OR8B2: variants seen among roughly 807,000 people sequenced by gnomAD.
The protein encoded by OR8B2 is olfactory receptor family 8 subfamily B member 2.
For synonymous variants in OR8B2, 98 were observed against 138.2 expected, an observed-to-expected ratio of 0.71 and a Z score of 2.04; for missense variants, 304 against 379.6, an observed-to-expected ratio of 0.80 and a Z score of 1.65.
chr11:124,397,239 G>A, the OR8B2 span: 1 of 1,594,612 alleles, frequency 6.3e-7, no homozygotes, highest in African/African-American at 1.4e-5. Flanking sequence ...GCCTACCATG[G>A]TGACAATGTA....
upstream of OR8B2, among the ~76,000 whole-genome samples, chr11:124,385,240 T>C (rs1860679752): frequency 1.3e-5 from 2 of 152,316 alleles, no homozygotes; most frequent in Admixed American, 6.5e-5. Flanking sequence ...TAAGACAGTA[T>C]GACTTCAGAA....
upstream of OR8B2, among the ~76,000 whole-genome samples, chr11:124,387,944 G>A (rs7117868): frequency 0.3 from 43,861 of 145,780 alleles, 5,409 homozygotes; most frequent in African/African-American, 0.37. Flanking sequence ...TTGAGCAGTG[G>A]TTTGTAGTTC....
In OR8B2 at chr11:124,382,574, A is replaced by G; in HGVS notation, c.770T>C (p.Phe257Ser). 1 of 1,613,244 alleles carries G rather than the reference A, an allele frequency of 6.2e-7. No homozygotes were observed. The highest frequency in any genetic ancestry group is 8.5e-7 in the Non-Finnish European group (1 of 1,179,612). The change falls in exon 2 of 2, where the codon TTC becomes TCC. Residue 257 changes from phenylalanine to serine, a missense_variant. Coordinates refer to ENST00000641451, the MANE Select transcript of OR8B2 (RefSeq NM_001005468.2). ...TCCAGAAGAATATTTAATATACATG[A>G]ATGCCGCTGACCCAAAAAACAGAGA... ...ALSLFFGSAA[F>S]MYIKYSSGSM...
chr11:124,396,275 T>G, the OR8B2 span: 2 of 856,296 alleles, frequency 2.3e-6, no homozygotes, highest in Admixed American at 3.3e-5. Context: ...ACAAGATGAT[T>G]TCATAAGAGA....
chr11:124,390,552 C>G, the OR8B2 span, among the ~76,000 whole-genome samples: 1 of 152,160 alleles, frequency 6.6e-6, no homozygotes, highest in East Asian at 1.9e-4. Context: ...GGCTTGAGAC[C>G]CGAAAGCTTG....
chr11:124,388,456 T>A (rs530197855), upstream of OR8B2, among the ~76,000 whole-genome samples: 159 of 152,284 alleles, frequency 1.0e-3, no homozygotes, highest in Non-Finnish European at 1.8e-3. Flanking sequence ...AGACAATGCA[T>A]TGACATTAAG....
chr11:124,394,095 G>A, the OR8B2 span, among the ~76,000 whole-genome samples: 1 of 121,896 alleles, frequency 8.2e-6, no homozygotes, highest in Non-Finnish European at 1.6e-5. Context: ...TCACACTCTG[G>A]GGACTGTTGT....
At chr11:124,394,201 A>G in the OR8B2 span, among the ~76,000 whole-genome samples, 1 of 151,722 alleles carries the variant, frequency 6.6e-6, no homozygotes, top group Non-Finnish European at 1.5e-5. Flanking sequence ...ATGTATACAT[A>G]TGTAACTAAC....
chr11:124,387,030 G>A (rs1860713985), upstream of OR8B2, among the ~76,000 whole-genome samples: 1 of 152,208 alleles, frequency 6.6e-6, no homozygotes, highest in Non-Finnish European at 1.5e-5. Flanking sequence ...ATTTTTTCAT[G>A]TGTTTTTTGG....
upstream of OR8B2, among the ~76,000 whole-genome samples, chr11:124,388,277 C>G (rs1042903487): frequency 0.025 from 2,998 of 121,984 alleles, no homozygotes; most frequent in South Asian, 0.035. Flanking sequence ...ATTGCCCTGG[C>G]CAGAACTTCC....
At chr11:124,388,638 T>A (rs1191517498), upstream of OR8B2, among the ~76,000 whole-genome samples, 2 of 152,106 alleles carry the variant, frequency 1.3e-5, no homozygotes, top group African/African-American at 4.8e-5. Context: ...ATTATCTTTA[T>A]TTTAGAGATT....
At chr11:124,387,005 C>G (rs536783356), upstream of OR8B2, among the ~76,000 whole-genome samples, 7 of 152,344 alleles carry the variant, frequency 4.6e-5, no homozygotes, top group East Asian at 1.3e-3. Context: ...TCTCTGATGG[C>G]CAGTGATGGT....
At chr11:124,396,826 G>A in the OR8B2 span, 1 of 1,611,038 alleles carries the variant, frequency 6.2e-7, no homozygotes, top group South Asian at 1.1e-5. Context: ...CACAAGTAAT[G>A]GTTGATGATA....
the OR8B2 span, chr11:124,397,270 A>G: frequency 1.7e-5 from 24 of 1,387,500 alleles, no homozygotes; most frequent in African/African-American, 3.5e-4. Context: ...AACAGGAAAA[A>G]GAGGGGTTGC....
chr11:124,391,381 GA>G, the OR8B2 span, among the ~76,000 whole-genome samples: 49 of 150,960 alleles, frequency 3.2e-4, no homozygotes, highest in African/African-American at 1.0e-3. Flanking sequence ...GACTAATAAA[GA>G]AAAAAAGAGA....
chr11:124,391,535 G>A, the OR8B2 span, among the ~76,000 whole-genome samples: 8 of 152,066 alleles, frequency 5.3e-5, no homozygotes, highest in Admixed American at 2.0e-4. Flanking sequence ...TAAATTCCTC[G>A]ACGCATACAC....
chr11:124,394,129 T>C, the OR8B2 span, among the ~76,000 whole-genome samples: 3 of 134,068 alleles, frequency 2.2e-5, no homozygotes, highest in South Asian at 2.9e-4. Flanking sequence ...GGGGGAGGGT[T>C]AGCACGAGAT....
chr11:124,396,203 G>C, the OR8B2 span: 1 of 528,528 alleles, frequency 1.9e-6, no homozygotes, highest in Non-Finnish European at 3.3e-6. Flanking sequence ...CTTTTACAAA[G>C]ATGCCATGAC....
In OR8B2 at chr11:124,382,445, A is replaced by G. The variant is rs201699170; in HGVS notation, c.899T>C (p.Leu300Pro). 8.4e-5 allele frequency: 135 copies of G among 1,612,868 alleles called. No individual in the cohort carries two copies. The highest frequency in any genetic ancestry group is 8.4e-5 in the Admixed American group (5 of 59,702). The stretch of plus-strand genomic sequence containing the variant: ...CTGAATTTTAATCAGAGCTTTCCTC[A>G]GTGCAACTTTGACATCCTTGTTCCT... The part of the protein sequence containing the change: ...SLRNKDVKVA[L>P]RKALIKIQRR... Residue 300 changes from leucine to proline, a missense_variant, in exon 2 of 2, where the codon CTG becomes CCG. By Grantham distance (98) the Leu-to-Pro change is moderately conservative. Coordinates refer to ENST00000641451, the MANE Select transcript of OR8B2 (RefSeq NM_001005468.2).
Sources: gnomAD v4.1 joint callset for allele counts (sites outside exome capture counted in the v4.1 genomes callset) on GRCh38, gnomAD v4.1.1 for gene constraint, MANE v1.5 for transcripts, NCBI Gene and HGNC (gene_info 2026-07-23, HGNC 2026-07-21) for gene names.